Variants in ABCC1 observed in about 807,000 individuals in gnomAD.
ABCC1 encodes the protein multidrug resistance-associated protein 1.
ABCC1 carries 83 observed loss-of-function variants against 172.9 expected under a neutral mutation model. That is an observed-to-expected ratio of 0.48 (90% CI 0.40 to 0.58). The LOEUF (loss-of-function observed/expected upper bound fraction) is 0.58. Ranked by LOEUF, ABCC1 falls within the 20% of genes least tolerant of loss-of-function variation. The pLI is 0.00. For synonymous variants in ABCC1, 937 were observed against 825.2 expected, an observed-to-expected ratio of 1.14 and a Z score of -2.32; for missense variants, 1,817 against 2,002.7, an observed-to-expected ratio of 0.91 and a Z score of 1.77.
At chr16:16,012,428 C>CT (rs2047820092) in intron 3 of ABCC1, among the ~76,000 whole-genome samples, 2 of 151,814 alleles carry the variant, frequency 1.3e-5, no homozygotes, top group Non-Finnish European at 2.9e-5. Context: ...AAGGGCTTTG[C>CT]TTTGTCCTGA....
Position 16,121,853 on chromosome 16 carries a change from G to A in ABCC1, c.3391-122G>A, listed in dbSNP as rs944097830. The A allele has an allele frequency of 1.1e-5, 11 of 998,064 alleles. No homozygotes were observed. The Admixed American group carries it at 2.3e-4, about 21-fold the overall frequency. The allele number at this position is 998,064 out of a possible 1,614,324, so 61.8% of individuals were successfully genotyped here. A position where few individuals can be genotyped will look rare whatever the true frequency, so the allele number is the denominator to read the frequency against. ...TGGGCACCCCTGTGAGGGCAGCCCG[G>A]CTCTAACATTTTGCCTCCTGGAGGT... is the stretch of plus-strand genomic sequence containing the variant. On this transcript the variant is annotated intron_variant, in intron 23 of 30. Coordinates refer to ENST00000399410, the MANE Select transcript of ABCC1 (RefSeq NM_004996.4).
chr16:16,067,355 C>G (rs374737599), intron 12 of ABCC1, among the ~76,000 whole-genome samples: 1 of 152,160 alleles, frequency 6.6e-6, no homozygotes. Flanking sequence ...TCTGGCTTCC[C>G]GTGGGACCGG....
chr16:16,068,276 C>T lies in ABCC1; in HGVS notation c.1798C>T (p.Pro600Ser). The T allele has an allele frequency of 1.2e-6, 2 of 1,614,132 alleles. No homozygotes were observed. Among genetic ancestry groups the T allele is most frequent in the Non-Finnish European group, 1.7e-6 (2 of 1,180,032 alleles). Residue 600 changes from proline to serine, a missense_variant, in exon 13 of 31, where the codon CCC (proline) becomes TCC (serine). By Grantham distance (74) the Pro-to-Ser change is moderately conservative (BLOSUM62 -1). Around this residue, in one of 3 missense-constraint regions of ABCC1, gnomAD observed 1,412 missense variants for 1,600.3 expected, o/e 0.88. Coordinates refer to ENST00000399410, the MANE Select transcript of ABCC1 (RefSeq NM_004996.4). Reference sequence around the variant, plus strand: ...CCTCCGGTTTCCCCTGAACATTCTCCCCATGGTCATCAGCAGCATCGTGCA... The same window carrying T: ...CCTCCGGTTTCCCCTGAACATTCTCTCCATGGTCATCAGCAGCATCGTGCA... ...NILRFPLNILPMVISSIVQAS... is the reference protein window; with the variant it reads ...NILRFPLNILSMVISSIVQAS...
chr16:15,959,338 T>C (rs992299425), intron 1 of ABCC1, among the ~76,000 whole-genome samples: 2 of 152,186 alleles, frequency 1.3e-5, no homozygotes, highest in Admixed American at 1.3e-4. Flanking sequence ...CTTTCTTTTT[T>C]CTTTTGAGAC....
intron 26 of ABCC1, among the ~76,000 whole-genome samples, chr16:16,126,665 G>A (rs1393594808): frequency 1.3e-5 from 2 of 152,158 alleles, no homozygotes; most frequent in East Asian, 1.9e-4. Flanking sequence ...GATTACAGGC[G>A]TGAGCCACTG....
Position 16,134,445 on chromosome 16 carries a change from T to C in ABCC1, c.4062T>C (p.Asp1354=). The change falls in exon 28 of 31, where the codon GAT becomes GAC. Residue 1354 remains aspartate, a synonymous_variant. Coordinates refer to ENST00000399410, the MANE Select transcript of ABCC1 (RefSeq NM_004996.4). ...CTGCCGAAGGAGAGATCATCATCGA[T>C]GGCATCAACATCGCCAAGATCGGCC... The part of the protein sequence containing the change: ...NESAEGEIII[D]GINIAKIGLH... The C allele has an allele frequency of 6.2e-7, 1 of 1,614,184 alleles. No homozygotes were observed. The highest frequency in any genetic ancestry group is 1.1e-5 in the South Asian group (1 of 91,088).
chr16:15,952,716 TAAAAAAAA>T (rs57105111), intron 1 of ABCC1, among the ~76,000 whole-genome samples: 17 of 40,288 alleles, frequency 4.2e-4, no homozygotes, highest in South Asian at 3.3e-3. Context: ...GTGAGTTCAT[TAAAAAAAA>T]AAAAAAAAAA....
intron 1 of ABCC1, among the ~76,000 whole-genome samples, chr16:15,997,824 TTTTC>T (rs1402810636): frequency 2.1e-5 from 3 of 141,812 alleles, no homozygotes; most frequent in African/African-American, 5.4e-5. Context: ...TTTTTTTTTT[TTTTC>T]CCTGAGACAG....
chr16:16,025,158 A>AAAC (rs2048329166), intron 5 of ABCC1, among the ~76,000 whole-genome samples: 1 of 152,192 alleles, frequency 6.6e-6, no homozygotes, highest in African/African-American at 2.4e-5. Context: ...TGTTTACGTT[A>AAAC]TACTGGCAAA....
In ABCC1 at chr16:16,014,635, G is replaced by T; in HGVS notation, c.489+7G>T. On this transcript the variant is annotated splice_region_variant and intron_variant, in intron 4 of 30. Transcript: ENST00000399410. ...TATGACAGCCTTAAAAGAGGTAAGTGGCAGTCTCCTTCCTCATCTTCCTTC... is the reference window on the plus strand; with the variant it reads ...TATGACAGCCTTAAAAGAGGTAAGTTGCAGTCTCCTTCCTCATCTTCCTTC... 6.2e-7 allele frequency: 1 copy of T among 1,613,214 alleles called. No homozygotes were observed. The highest frequency in any genetic ancestry group is 8.5e-7 in the Non-Finnish European group (1 of 1,179,782).
At chr16:16,087,604 CCCA>C (rs967260379) in intron 18 of ABCC1, among the ~76,000 whole-genome samples, 4 of 152,058 alleles carry the variant, frequency 2.6e-5, no homozygotes, top group African/African-American at 9.7e-5. Flanking sequence ...ATTACAGGTG[CCCA>C]CCACCACGCC....
rs1038392232 is a variant in ABCC1, at chr16:16,046,091, C to T, written c.1218+78C>T. The T allele has an allele frequency of 1.1e-5, 16 of 1,498,836 alleles. No homozygotes were observed. The South Asian group carries it at 1.1e-4, about 10-fold the overall frequency. 92.8% of individuals were successfully genotyped at this position (1,498,836 alleles called of 1,614,324 possible). A position where few individuals can be genotyped will look rare whatever the true frequency, so the allele number is the denominator to read the frequency against. On this transcript the variant is annotated intron_variant, in intron 9 of 30. Transcript: ENST00000399410. Reference sequence around the variant, plus strand: ...CAGCCCTGGGTTACTCTGGGGCCAGCGTGGGGATTTCCAGCCCAGCTTCTG... The same window carrying T: ...CAGCCCTGGGTTACTCTGGGGCCAGTGTGGGGATTTCCAGCCCAGCTTCTG...
At chr16:16,005,575 T>G (rs1244674316) in intron 1 of ABCC1, among the ~76,000 whole-genome samples, 2 of 152,130 alleles carry the variant, frequency 1.3e-5, no homozygotes, top group Non-Finnish European at 2.9e-5. Context: ...CTTGATCTCC[T>G]GACCTCGTGA....
At chr16:16,050,909 GA>G (rs552932118) in intron 10 of ABCC1, among the ~76,000 whole-genome samples, 10 of 149,068 alleles carry the variant, frequency 6.7e-5, no homozygotes, top group African/African-American at 2.0e-4. Context: ...GTCTCTAGAA[GA>G]AAAAAAAAAT....
At chr16:16,022,479 A>G (rs1472182493) in intron 5 of ABCC1, among the ~76,000 whole-genome samples, 4 of 152,088 alleles carry the variant, frequency 2.6e-5, no homozygotes, top group Non-Finnish European at 5.9e-5. Flanking sequence ...GATCAAGGCC[A>G]AAGGAGATCA....
At chr16:15,994,191 G>A (rs2046971201) in intron 1 of ABCC1, among the ~76,000 whole-genome samples, 3 of 152,194 alleles carry the variant, frequency 2.0e-5, no homozygotes. Context: ...GTGTACTCAA[G>A]CCTGGGCAAC....
At chr16:15,995,279 A>G (rs1026814641) in intron 1 of ABCC1, among the ~76,000 whole-genome samples, 4 of 152,186 alleles carry the variant, frequency 2.6e-5, no homozygotes, top group African/African-American at 7.2e-5. Flanking sequence ...AATGTGAAAC[A>G]CTTAGAGTGG....
intron 17 of ABCC1, 111 bp downstream of exon 17, chr16:16,083,653 G>T: frequency 7.2e-7 from 1 of 1,394,190 alleles, no homozygotes. Context: ...GACCCGGCAG[G>T]GCTCAGCTGG....
intron 1 of ABCC1, among the ~76,000 whole-genome samples, chr16:15,972,808 T>G (rs1427771898): frequency 1.4e-4 from 21 of 147,206 alleles, no homozygotes; most frequent in African/African-American, 5.1e-4. Context: ...TTTTTTTTTT[T>G]TTTTGAGGCA....
Sources: gnomAD v4.1 joint callset for allele counts (sites outside exome capture counted in the v4.1 genomes callset) on GRCh38, gnomAD v4.1.1 for gene constraint, gnomAD v4.1.1 regional missense constraint, MANE v1.5 for transcripts, NCBI Gene and HGNC (gene_info 2026-07-23, HGNC 2026-07-21) for gene names.